The following PRORP variants were observed in gnomAD, a reference collection of about 807,000 sequenced individuals.
The protein encoded by PRORP is protein only RNase P catalytic subunit, also known as mitochondrial ribonuclease P catalytic subunit.
A neutral mutation model predicts 59.4 loss-of-function variants in PRORP; 51 were observed. The observed-to-expected ratio is 0.86, with a 90% CI of 0.69 to 1.08. PRORP has a LOEUF of 1.08. PRORP is among the 50% of genes least tolerant of loss of function. The pLI is 0.00. For synonymous variants in PRORP, 231 were observed against 245.6 expected (o/e 0.94, Z 0.55); for missense variants, 646 against 690.3 (o/e 0.94, Z 0.72).
At chr14:35,249,225 CAATT>C (rs1277585910) in intron 5 of PRORP, among the ~76,000 whole-genome samples, 1 of 152,116 alleles carries the variant, frequency 6.6e-6, no homozygotes, top group Non-Finnish European at 1.5e-5. Context: ...CCACCCAGGA[CAATT>C]AATTCCAGTT....
intron 4 of PRORP, among the ~76,000 whole-genome samples, chr14:35,153,216 C>T (rs1028219229): frequency 2.0e-5 from 3 of 152,224 alleles, no homozygotes; most frequent in East Asian, 1.9e-4. Context: ...AGCGAAACCC[C>T]GTCTCCACCA....
Position 35,265,004 on chromosome 14 carries a change from A to G in PRORP, c.1276-1723A>G, listed in dbSNP as rs565137299. Among the ~76,000 whole-genome samples, 22 of 152,336 alleles carry G rather than the reference A, an allele frequency of 1.4e-4. No individual in the cohort carries two copies. The South Asian group carries it at 4.3e-3, about 30-fold the overall frequency. ...ACTTCGTCTCAAAAATAAAAAATAA[A>G]TAAATAAAAAATAAAAAAATTCAGC... On this transcript the variant is annotated intron_variant, in intron 5 of 7. Coordinates refer to ENST00000534898, the MANE Select transcript of PRORP (RefSeq NM_014672.4).
intron 5 of PRORP, among the ~76,000 whole-genome samples, chr14:35,234,419 G>A (rs2050154110): frequency 6.6e-6 from 1 of 152,140 alleles, no homozygotes; most frequent in South Asian, 2.1e-4. Context: ...CTTTAAGATA[G>A]CTTTGTTTGT....
At chr14:35,226,169 C>G (rs2049929150) in intron 5 of PRORP, among the ~76,000 whole-genome samples, 1 of 152,158 alleles carries the variant, frequency 6.6e-6, no homozygotes, top group South Asian at 2.1e-4. Context: ...TTGGTGTTAG[C>G]CATGTAAGCT....
intron 7 of PRORP, among the ~76,000 whole-genome samples, chr14:35,272,585 T>C (rs2051221118): frequency 6.6e-6 from 1 of 152,220 alleles, no homozygotes; most frequent in Admixed American, 6.5e-5. Flanking sequence ...GTATTGATCT[T>C]ACATTTATAA....
chr14:35,225,051 T>G (rs1034444320), intron 5 of PRORP, among the ~76,000 whole-genome samples: 1 of 152,236 alleles, frequency 6.6e-6, no homozygotes. Flanking sequence ...TTCTCTTCCA[T>G]GTAAGTGTTG....
intron 5 of PRORP, among the ~76,000 whole-genome samples, 186 bp from the exon 6 acceptor site, chr14:35,266,541 G>A (rs930315480): frequency 5.3e-5 from 8 of 152,092 alleles, no homozygotes; most frequent in Admixed American, 4.6e-4. Context: ...GCAGATGTTA[G>A]ACATTAATGT....
intron 4 of PRORP, among the ~76,000 whole-genome samples, chr14:35,167,520 C>T (rs1434251090): frequency 1.3e-5 from 2 of 152,176 alleles, no homozygotes; most frequent in Non-Finnish European, 2.9e-5. Context: ...TTTAAAATTT[C>T]TCTAGCCTCC....
At chr14:35,208,313 C>T (rs1043087262) in intron 5 of PRORP, among the ~76,000 whole-genome samples, 16 of 151,866 alleles carry the variant, frequency 1.1e-4, no homozygotes, top group African/African-American at 3.6e-4. Flanking sequence ...TAGTGGTGAG[C>T]GCTTGTAGTC....
At chr14:35,217,520 AAAG>A (rs2049636137) in intron 5 of PRORP, among the ~76,000 whole-genome samples, 4 of 151,448 alleles carry the variant, frequency 2.6e-5, no homozygotes, top group Admixed American at 6.6e-5. Context: ...AAAAAAAAGA[AAAG>A]AAACCATTGT....
intron 5 of PRORP, among the ~76,000 whole-genome samples, chr14:35,216,714 A>G (rs1397649005): frequency 1.3e-5 from 2 of 152,120 alleles, no homozygotes; most frequent in African/African-American, 4.8e-5. Context: ...TTTTTGAGAA[A>G]CTGTCAGACT....
At chr14:35,165,538 A>G (rs1422817925) in intron 4 of PRORP, among the ~76,000 whole-genome samples, 2 of 152,218 alleles carry the variant, frequency 1.3e-5, no homozygotes, top group Non-Finnish European at 2.9e-5. Context: ...GGAAAGCACT[A>G]TGTAAGTTTA....
intron 4 of PRORP, among the ~76,000 whole-genome samples, chr14:35,169,849 A>G (rs1228715983): frequency 6.6e-6 from 1 of 152,198 alleles, no homozygotes; most frequent in Admixed American, 6.5e-5. Context: ...TGTCCTACAG[A>G]TATAGATTTG....
intron 4 of PRORP, among the ~76,000 whole-genome samples, chr14:35,178,859 G>A (rs1313418206): frequency 6.6e-6 from 1 of 152,196 alleles, no homozygotes; most frequent in African/African-American, 2.4e-5. Context: ...GTTTTGGCAT[G>A]TTTTTGCAGT....
chr14:35,181,986 A>G (rs946567825), intron 5 of PRORP, among the ~76,000 whole-genome samples: 1 of 151,864 alleles, frequency 6.6e-6, no homozygotes, highest in African/African-American at 2.4e-5. Flanking sequence ...AATGTAGGCC[A>G]GGCATGGTGG....
rs190654191 is a variant in PRORP, at chr14:35,175,210, C to T, written c.1168-5460C>T. Among the ~76,000 whole-genome samples, 389 of 152,172 alleles carry T rather than the reference C, an allele frequency of 2.6e-3. 2 individuals are homozygous for T. Among genetic ancestry groups the T allele is most frequent in the African/African-American group, 8.8e-3 (365 of 41,516 alleles). On this transcript the variant is annotated intron_variant, in intron 4 of 7. Coordinates refer to ENST00000534898, the MANE Select transcript of PRORP (RefSeq NM_014672.4). ...CAGTGCCGCAATAAACATACATGTG[C>T]ATGTGTCTTTATAGCAGCATGATTT...
intron 4 of PRORP, among the ~76,000 whole-genome samples, chr14:35,162,842 C>T (rs1400729914): frequency 6.6e-6 from 1 of 151,962 alleles, no homozygotes; most frequent in Non-Finnish European, 1.5e-5. Flanking sequence ...TAATTTCCTC[C>T]CCAGCTAATT....
intron 4 of PRORP, among the ~76,000 whole-genome samples, chr14:35,176,339 C>T (rs2048449416): frequency 6.6e-6 from 1 of 152,054 alleles, no homozygotes; most frequent in Non-Finnish European, 1.5e-5. Flanking sequence ...GGCAGTATGG[C>T]CATTTTCACA....
chr14:35,244,854 AAATAATTTTC>A (rs1282822908), intron 5 of PRORP, among the ~76,000 whole-genome samples: 1 of 152,176 alleles, frequency 6.6e-6, no homozygotes, highest in Non-Finnish European at 1.5e-5. Context: ...ACTTCTGTGT[AAATAATTTTC>A]TTGCTTTTCA....
Sources: gnomAD v4.1 joint callset for allele counts (sites outside exome capture counted in the v4.1 genomes callset) on GRCh38, gnomAD v4.1.1 for gene constraint, MANE v1.5 for transcripts, NCBI Gene and HGNC (gene_info 2026-07-23, HGNC 2026-07-21) for gene names.